Variants in GSE1 observed in about 807,000 individuals in gnomAD.
GSE1 encodes the protein Gse1 coiled-coil protein.
In GSE1, 32 loss-of-function variants were observed where a neutral mutation model predicts 112.6. The observed-to-expected ratio is 0.28, with a 90% CI of 0.21 to 0.38. The LOEUF is 0.38. Ranked by LOEUF, GSE1 falls within the 10% of genes least tolerant of loss-of-function variation. GSE1 has a pLI of 1.00. For synonymous variants in GSE1, 1,115 were observed against 735.6 expected (o/e 1.52, Z -8.35); for missense variants, 2,348 against 1,699.2 (o/e 1.38, Z -6.71).
At chr16:85,637,268 C>T (rs1363434429) in intron 2 of GSE1, among the ~76,000 whole-genome samples, 2 of 152,224 alleles carry the variant, frequency 1.3e-5, no homozygotes, top group Non-Finnish European at 2.9e-5. Context: ...TGGCGCGGTG[C>T]GTGTCTGGAC....
chr16:85,333,269 G>C (rs766943957), intron 1 of GSE1, among the ~76,000 whole-genome samples: 12 of 152,120 alleles, frequency 7.9e-5, no homozygotes, highest in Non-Finnish European at 1.2e-4. Flanking sequence ...AGGCCTCCCA[G>C]CTGATCCACG....
chr16:85,351,240 C>T (rs1414082382), intron 1 of GSE1, among the ~76,000 whole-genome samples: 2 of 152,188 alleles, frequency 1.3e-5, no homozygotes, highest in African/African-American at 4.8e-5. Flanking sequence ...CCAGTTCCTG[C>T]CGAAGAGGCT....
At chr16:85,668,828 C>T (rs1045662259) in intron 14 of GSE1, among the ~76,000 whole-genome samples, 79 of 152,226 alleles carry the variant, frequency 5.2e-4, no homozygotes, top group African/African-American at 1.8e-3. Flanking sequence ...GTGACAGACT[C>T]CCCACACTGC....
chr16:85,603,980 T>C (rs1454595858), intron 1 of GSE1, among the ~76,000 whole-genome samples: 2 of 152,150 alleles, frequency 1.3e-5, no homozygotes, highest in African/African-American at 2.4e-5. Context: ...GTATAATTGG[T>C]TCATGGTTCT....
chr16:85,487,265 G>C (rs563067360), intron 2 of GSE1, among the ~76,000 whole-genome samples: 8 of 152,182 alleles, frequency 5.3e-5, no homozygotes, highest in Non-Finnish European at 1.0e-4. Context: ...GACTGAGTCT[G>C]CCTTGCACTC....
chr16:85,603,766 CA>C (rs2047567332), intron 1 of GSE1, among the ~76,000 whole-genome samples: 1 of 152,176 alleles, frequency 6.6e-6, no homozygotes, highest in Non-Finnish European at 1.5e-5. Context: ...CTTGGCCTCC[CA>C]AAATGCTGAG....
chr16:85,597,554 C>CA (rs1223499867), intron 1 of GSE1, among the ~76,000 whole-genome samples: 22 of 152,136 alleles, frequency 1.4e-4, no homozygotes, highest in Admixed American at 1.1e-3. Context: ...ACTGCAGCCT[C>CA]AACCTCCTGG....
At chr16:85,667,553 A>G (rs977468246) in intron 13 of GSE1, among the ~76,000 whole-genome samples, 1 of 152,214 alleles carries the variant, frequency 6.6e-6, no homozygotes, top group Non-Finnish European at 1.5e-5. Flanking sequence ...CTGACTATAG[A>G]CCAAGCTCAA....
chr16:85,653,068 C>G (rs900285747), intron 3 of GSE1, among the ~76,000 whole-genome samples: 1 of 150,438 alleles, frequency 6.6e-6, no homozygotes, highest in African/African-American at 2.4e-5. Context: ...GTGCTGTCCC[C>G]ACATGGGGAA....
At chr16:85,270,893 G>A (rs1908763298) in intron 1 of GSE1, among the ~76,000 whole-genome samples, 1 of 152,174 alleles carries the variant, frequency 6.6e-6, no homozygotes, top group Non-Finnish European at 1.5e-5. Context: ...TGGAAAGAAG[G>A]CACCCGGTGC....
intron 1 of GSE1, among the ~76,000 whole-genome samples, chr16:85,248,091 G>A (rs1031955012): frequency 3.3e-5 from 5 of 152,212 alleles, no homozygotes; most frequent in Admixed American, 3.3e-4. Flanking sequence ...GAGAGTGGGT[G>A]GGGTGCGTAG....
At chr16:85,409,903 GC>G (rs1187617569) in intron 2 of GSE1, among the ~76,000 whole-genome samples, 1 of 9,922 alleles carries the variant, frequency 1.0e-4, no homozygotes, top group African/African-American at 4.1e-4. Flanking sequence ...TTACTCTCAG[GC>G]CCCCCCGGAT....
intron 1 of GSE1, among the ~76,000 whole-genome samples, chr16:85,225,087 C>T (rs541930196): frequency 5.3e-5 from 8 of 151,924 alleles, no homozygotes; most frequent in South Asian, 2.1e-4. Context: ...GCCGAGATCG[C>T]GCCTCCAGCC....
At chr16:85,246,483 A>G (rs1299989986) in intron 1 of GSE1, among the ~76,000 whole-genome samples, 1 of 99,038 alleles carries the variant, frequency 1.0e-5, no homozygotes, top group Non-Finnish European at 2.1e-5. Flanking sequence ...ACACACACAC[A>G]CACACACACT....
Position 85,431,304 on chromosome 16 carries a change from G to A in GSE1, c.2464+73661G>A, listed in dbSNP as rs537876210. Among the ~76,000 whole-genome samples the A allele has an allele frequency of 4.1e-4, 62 of 152,360 alleles. 1 individual carries two copies. The South Asian group carries it at 7.0e-3, about 17-fold the overall frequency. ...CCAGGCCCTGTCCATACGGGAGCTC[G>A]CTCAGGCCCAGCCCGCGGTGCCGCA... On this transcript the variant is annotated intron_variant, in intron 2 of 2. Coordinates refer to the GSE1 transcript ENST00000637419.
At position 85,183,667 on chromosome 16, in the gene GSE1, T is replaced by G. The variant is rs891633648; in HGVS notation, c.2283+11860T>G. Among the ~76,000 whole-genome samples the G allele has an allele frequency of 5.9e-5, 9 of 152,216 alleles. No individual in the cohort carries two copies. In the East Asian group the frequency reaches 1.7e-3, roughly 29 times the overall value. On this transcript the variant is annotated intron_variant, in intron 1 of 2. Transcript: ENST00000637419. ...ACTTGGTAAGTCGACTGGCCTGTCT[T>G]AGGCTTGGCTGTAAAGCTGGGACAG...
chr16:85,663,010 G>A lies in GSE1; in HGVS notation c.2290G>A (p.Asp764Asn), dbSNP rs755974307. ...GYYYDLDDSY[D>N]ESDEEEVRAH... is the part of the protein sequence containing the mutation. The stretch of plus-strand genomic sequence containing the variant: ...CTACTACGACCTCGATGACTCTTAC[G>A]ACGAGAGCGATGAGGAGGAGGTCAG... Residue 764 changes from aspartate to asparagine, a missense_variant, in exon 10 of 16, where the codon GAC becomes AAC. Transcript: ENST00000253458. The A allele has an allele frequency of 1.1e-5, 18 of 1,612,712 alleles. No individual in the cohort carries two copies. The highest frequency in any genetic ancestry group is 1.1e-4 in the East Asian group (5 of 44,894).
At chr16:85,408,231 T>C (rs1487862117) in intron 2 of GSE1, among the ~76,000 whole-genome samples, 4 of 4,616 alleles carry the variant, frequency 8.7e-4, no homozygotes, top group Admixed American at 2.1e-3. Flanking sequence ...CAGGCCCCCC[T>C]GGATAATCCT....
intron 1 of GSE1, among the ~76,000 whole-genome samples, chr16:85,173,339 G>A (rs1177113263): frequency 6.6e-6 from 1 of 152,228 alleles, no homozygotes; most frequent in Non-Finnish European, 1.5e-5. Flanking sequence ...CTGTGAGTTA[G>A]TTTCTTATCC....
Sources: allele counts gnomAD v4.1 joint callset (sites outside exome capture counted in the v4.1 genomes callset), GRCh38; gene constraint gnomAD v4.1.1; transcripts MANE v1.5; gene names NCBI Gene and HGNC (gene_info 2026-07-23, HGNC 2026-07-21).